TFCP2: variants seen among roughly 807,000 people sequenced by gnomAD.
The protein encoded by TFCP2 is transcription factor CP2.
TFCP2 carries 33 observed loss-of-function variants against 73.4 expected under a neutral mutation model. The ratio of observed to expected loss-of-function variants is 0.45; its 90% CI spans 0.34 to 0.60. The LOEUF is 0.60. TFCP2 is among the 20% of genes least tolerant of loss of function. The pLI, the probability that TFCP2 is intolerant of heterozygous loss-of-function variation, is 0.01. For missense variants in TFCP2, 352 were observed against 604.0 expected, an observed-to-expected ratio of 0.58 and a Z score of 4.37; for synonymous variants, 193 against 211.6, an observed-to-expected ratio of 0.91 and a Z score of 0.76.
At chr12:51,157,733 C>T (rs1028595291) in intron 1 of TFCP2, among the ~76,000 whole-genome samples, 1 of 120,686 alleles carries the variant, frequency 8.3e-6, no homozygotes, top group African/African-American at 3.1e-5. Context: ...ATTGCCCAGG[C>T]TGGAGTACAG....
In TFCP2 at chr12:51,094,000, C is replaced by A. The variant is rs1280268762; in HGVS notation, c.*1241G>T. 3 of 152,004 alleles carry A rather than the reference C, an allele frequency of 2.0e-5. 1 individual carries two copies. Among genetic ancestry groups the A allele is most frequent in the Non-Finnish European group, 4.4e-5 (3 of 68,020 alleles). 9.4% of individuals were successfully genotyped at this position (152,004 alleles called of 1,614,324 possible). ...ACTTACACACTTACACACACACACACACACACACACAATCATTCTTAAGGA... is the reference window on the plus strand; with the variant it reads ...ACTTACACACTTACACACACACACAAACACACACACAATCATTCTTAAGGA... On this transcript the variant is annotated 3_prime_UTR_variant, in exon 15 of 15. Coordinates refer to ENST00000257915, the MANE Select transcript of TFCP2 (RefSeq NM_005653.5).
chr12:51,109,307 G>T (rs779104052), intron 5 of TFCP2, 34 bp from the exon 6 acceptor site: 2 of 1,606,944 alleles, frequency 1.2e-6, no homozygotes, highest in Non-Finnish European at 1.7e-6. Flanking sequence ...CTTCAGTACC[G>T]CTAGCTAGCC....
chr12:51,160,273 T>G (rs950385905), intron 1 of TFCP2, among the ~76,000 whole-genome samples: 1 of 151,874 alleles, frequency 6.6e-6, no homozygotes, highest in African/African-American at 2.4e-5. Context: ...GTGGCTGGGA[T>G]TACAGGTGCC....
chr12:51,102,118 C>G (rs1437992442), intron 10 of TFCP2, 93 bp from the exon 11 acceptor site: 1 of 862,480 alleles, frequency 1.2e-6, no homozygotes, highest in Admixed American at 2.1e-5. Flanking sequence ...CACCTCATTA[C>G]CAGAATGTTA....
At chr12:51,136,302 TAAAAAAAA>T (rs11312082) in intron 1 of TFCP2, among the ~76,000 whole-genome samples, 7 of 136,712 alleles carry the variant, frequency 5.1e-5, no homozygotes, top group Admixed American at 7.5e-5. Context: ...AGACTCTAAA[TAAAAAAAA>T]AAAAAAAGAA....
At chr12:51,104,733 A>G (rs1003675508) in intron 8 of TFCP2, among the ~76,000 whole-genome samples, 15 of 149,316 alleles carry the variant, frequency 1.0e-4, no homozygotes, top group African/African-American at 3.4e-4. Context: ...TTTTTTTGAG[A>G]CGGAGTCTCG....
chr12:51,165,295 A>G (rs1941733131), intron 1 of TFCP2, among the ~76,000 whole-genome samples: 1 of 152,228 alleles, frequency 6.6e-6, no homozygotes, highest in African/African-American at 2.4e-5. Context: ...ATCCAACAGT[A>G]CATTAAAAAG....
chr12:51,095,104 T>C lies in TFCP2; in HGVS notation c.*137A>G, dbSNP rs957574241. On this transcript the variant is annotated 3_prime_UTR_variant, in exon 15 of 15. Transcript: ENST00000257915. ...ACAGAGGGCCAGGATTCTGCCTCCATGGCCTGGACTCCTCCACACACAGTC... is the reference window on the plus strand; with the variant it reads ...ACAGAGGGCCAGGATTCTGCCTCCACGGCCTGGACTCCTCCACACACAGTC... 13 of 943,454 alleles carry C rather than the reference T, an allele frequency of 1.4e-5. No individual in the cohort carries two copies. The highest frequency in any genetic ancestry group is 2.2e-5 in the Non-Finnish European group (13 of 584,708). 58.4% of individuals were successfully genotyped at this position (943,454 alleles called of 1,614,324 possible).
chr12:51,141,908 A>AT (rs1355506412), intron 1 of TFCP2, among the ~76,000 whole-genome samples: 1 of 149,482 alleles, frequency 6.7e-6, no homozygotes, highest in African/African-American at 2.5e-5. Context: ...TCTGTCTCAA[A>AT]AAAAAAAAAA....
Position 51,172,553 on chromosome 12 carries a change from C to G in TFCP2, c.-131G>C, listed in dbSNP as rs1355560476. The G allele has an allele frequency of 8.1e-6, 10 of 1,236,616 alleles. No homozygotes were observed. The highest frequency in any genetic ancestry group is 1.5e-5 in the African/African-American group (1 of 67,092). 76.6% of individuals were successfully genotyped at this position (1,236,616 alleles called of 1,614,324 possible). The stretch of plus-strand genomic sequence containing the variant: ...TTTCCCACGCAGTGCCCACCAGCCA[C>G]CCCCAAGCCCGACCAGCACTGCTCT... On this transcript the variant is annotated 5_prime_UTR_variant, in exon 1 of 15. Coordinates refer to ENST00000257915, the MANE Select transcript of TFCP2 (RefSeq NM_005653.5).
rs1054902171 is a variant in TFCP2, at chr12:51,117,525, C to G, written c.351+146G>C. 29 of 634,906 alleles carry G rather than the reference C, an allele frequency of 4.6e-5. 1 individual carries two copies. The highest frequency in any genetic ancestry group is 9.2e-5 in the African/African-American group (5 of 54,418). The allele number at this position is 634,906 out of a possible 1,614,324, so 39.3% of individuals were successfully genotyped here. ...TGACCCCAAAGAAATAACACATCAG[C>G]TTACTACTCTGCCAACAAATTACTG... On this transcript the variant is annotated intron_variant, in intron 3 of 14. Transcript: ENST00000257915.
At chr12:51,109,074 A>G (rs764797575) in intron 6 of TFCP2, 47 bp downstream of exon 6, 32 of 1,584,568 alleles carry the variant, frequency 2.0e-5, no homozygotes, top group Non-Finnish European at 2.6e-5. Context: ...TTAAAATAGA[A>G]TGATAAGGTA....
Position 51,111,001 on chromosome 12 carries a change from A to T in TFCP2, c.458-18T>A. 2 of 1,568,494 alleles carry T rather than the reference A, an allele frequency of 1.3e-6. No homozygotes were observed. The highest frequency in any genetic ancestry group is 1.8e-6 in the Non-Finnish European group (2 of 1,138,432). ...CGGGATATCTGAGAAACAAAATGGT[A>T]ATCATTGAACAATTTTGAGGGCCAC... is the stretch of plus-strand genomic sequence containing the variant. On this transcript the variant is annotated intron_variant, in intron 4 of 14. Coordinates refer to ENST00000257915, the MANE Select transcript of TFCP2 (RefSeq NM_005653.5).
In TFCP2 at chr12:51,172,881, C is replaced by G. The variant is rs937170846; in HGVS notation, c.-459G>C. Reference sequence around the variant, plus strand: ...CCCTCCCTCCCAGGTCTCGCTCTCTCTTTCCCCTCCAGGCCTCGCTTCCGG... The same window carrying G: ...CCCTCCCTCCCAGGTCTCGCTCTCTGTTTCCCCTCCAGGCCTCGCTTCCGG... On this transcript the variant is annotated 5_prime_UTR_variant, in exon 1 of 15. Coordinates refer to ENST00000257915, the MANE Select transcript of TFCP2 (RefSeq NM_005653.5). The G allele has an allele frequency of 1.2e-5, 2 of 172,400 alleles. No homozygotes were observed. Among genetic ancestry groups the G allele is most frequent in the Admixed American group, 5.6e-5 (1 of 18,000 alleles). 10.7% of individuals were successfully genotyped at this position (172,400 alleles called of 1,614,324 possible). A position where few individuals can be genotyped will look rare whatever the true frequency, so the allele number is the denominator to read the frequency against.
intron 11 of TFCP2, 117 bp downstream of exon 11, chr12:51,101,818 T>A: frequency 1.6e-6 from 1 of 612,166 alleles, no homozygotes; most frequent in Non-Finnish European, 2.9e-6. Flanking sequence ...ATAGCTGACA[T>A]TTAAAACAAA....
At chr12:51,097,788 G>C (rs1002656638) in intron 13 of TFCP2, among the ~76,000 whole-genome samples, 1 of 151,822 alleles carries the variant, frequency 6.6e-6, no homozygotes, top group Non-Finnish European at 1.5e-5. Flanking sequence ...AGGCTGAGGC[G>C]GGTTGATCAC....
rs1162122728 is a variant in TFCP2, at chr12:51,142,021, G to A, written c.123-23249C>T. On this transcript the variant is annotated intron_variant, in intron 1 of 14. Transcript: ENST00000257915. Reference sequence around the variant, plus strand: ...AGTTTGAGACCAGCCTGACTGACACGGTGAAACCCCGTCTCTACTAAAAAT... The same window carrying A: ...AGTTTGAGACCAGCCTGACTGACACAGTGAAACCCCGTCTCTACTAAAAAT... Among the ~76,000 whole-genome samples the A allele has an allele frequency of 1.3e-4, 19 of 151,328 alleles. 1 individual carries two copies. Among genetic ancestry groups the A allele is most frequent in the African/African-American group, 3.9e-4 (16 of 41,184 alleles).
intron 8 of TFCP2, among the ~76,000 whole-genome samples, chr12:51,105,327 C>A (rs192518094): frequency 6.6e-6 from 1 of 151,058 alleles, no homozygotes; most frequent in South Asian, 2.1e-4. Context: ...CTCCTGACAT[C>A]GTAATCTGCC....
chr12:51,133,982 G>A (rs1160768327), intron 1 of TFCP2, among the ~76,000 whole-genome samples: 1 of 149,514 alleles, frequency 6.7e-6, no homozygotes, highest in Non-Finnish European at 1.5e-5. Flanking sequence ...AATATGGCCA[G>A]ATCCAAAAAT....
Sources: allele counts gnomAD v4.1 joint callset (sites outside exome capture counted in the v4.1 genomes callset), GRCh38; gene constraint gnomAD v4.1.1; transcripts MANE v1.5; gene names NCBI Gene and HGNC (gene_info 2026-07-23, HGNC 2026-07-21).